The following VOPP1 variants were observed in gnomAD, a reference collection of about 807,000 sequenced individuals.
VOPP1 encodes the protein WW domain binding protein VOPP1.
Under a neutral mutation model 23.5 loss-of-function variants are expected in VOPP1, and 8 were observed. That is an observed-to-expected ratio of 0.34 (90% confidence interval 0.20 to 0.61). VOPP1 has a LOEUF of 0.61. Among genes scored for constraint, VOPP1 ranks in the 20% least tolerant of loss-of-function variants. VOPP1 has a pLI of 0.78. For missense variants in VOPP1, 174 were observed against 238.1 expected (o/e 0.73, Z 1.77); for synonymous variants, 83 against 97.3 (o/e 0.85, Z 0.86).
chr7:55,542,519 G>A (rs1029857871), intron 1 of VOPP1, among the ~76,000 whole-genome samples: 2 of 152,162 alleles, frequency 1.3e-5, no homozygotes, highest in African/African-American at 2.4e-5. Context: ...GGCTGGCATG[G>A]TGGCTCATGC....
chr7:55,497,653 A>G lies in VOPP1; in HGVS notation c.151T>C (p.Cys51Arg). ...CTCTGTATGGAGAGGGCCCGCACAC[A>G]GCACCTGGAGCCACAGCAGTCCTCG... ...SYEDCCGSRC[C>R]VRALSIQRLW... Residue 51 changes from cysteine to arginine, a missense_variant, in exon 3 of 5, where the codon TGT becomes CGT. Physicochemically the swap from Cys to Arg is radical, Grantham distance 180. Coordinates refer to ENST00000285279, the MANE Select transcript of VOPP1 (RefSeq NM_030796.5). 6.2e-7 allele frequency: 1 copy of G among 1,613,502 alleles called. No individual in the cohort carries two copies. The highest frequency in any genetic ancestry group is 1.1e-5 in the South Asian group (1 of 91,060).
chr7:55,477,491 AGGCCGT>A (rs1792352979), intron 4 of VOPP1, among the ~76,000 whole-genome samples: 1 of 152,180 alleles, frequency 6.6e-6, no homozygotes, highest in African/African-American at 2.4e-5. Context: ...GCCTGTGCCA[AGGCCGT>A]GGCTCCTGTC....
At chr7:55,552,993 T>C in intron 1 of VOPP1, 1 of 346,118 alleles carries the variant, frequency 2.9e-6, no homozygotes, top group Non-Finnish European at 5.0e-6. Context: ...GCTGCACCAT[T>C]CCAATCAAAG....
chr7:55,476,327 G>C (rs1313072300), intron 4 of VOPP1, among the ~76,000 whole-genome samples: 1 of 152,040 alleles, frequency 6.6e-6, no homozygotes, highest in Non-Finnish European at 1.5e-5. Flanking sequence ...CCTTCTCAGT[G>C]AGCTGGCCCA....
At chr7:55,490,092 G>C (rs1793456859) in intron 4 of VOPP1, among the ~76,000 whole-genome samples, 1 of 152,126 alleles carries the variant, frequency 6.6e-6, no homozygotes, top group Admixed American at 6.5e-5. Flanking sequence ...TGCGTCCTCA[G>C]TCCTCAGCTA....
In VOPP1 at chr7:55,521,865, C is replaced by G. The variant is rs146775385; in HGVS notation, c.55-735G>C. On this transcript the variant is annotated intron_variant, in intron 1 of 4. Coordinates refer to ENST00000285279, the MANE Select transcript of VOPP1 (RefSeq NM_030796.5). ...CAGCATCCCCACTGCTCAGGGAGCT[C>G]TCTATGCAGAGATGCTCTTCCCATC... The G allele has an allele frequency of 4.8e-5, 47 of 983,726 alleles. 1 individual carries two copies. In the East Asian group the frequency reaches 4.4e-3, roughly 93 times the overall value. 60.9% of individuals were successfully genotyped at this position (983,726 alleles called of 1,614,324 possible). A position where few individuals can be genotyped will look rare whatever the true frequency, so the allele number is the denominator to read the frequency against.
Position 55,470,745 on chromosome 7 carries a change from G to A in VOPP1, c.*2110C>T, listed in dbSNP as rs1288675727. The A allele has an allele frequency of 6.6e-6, 1 of 152,332 alleles. No homozygotes were observed. Among genetic ancestry groups the A allele is most frequent in the Non-Finnish European group, 1.5e-5 (1 of 68,042 alleles). 9.4% of individuals were successfully genotyped at this position (152,332 alleles called of 1,614,324 possible). A position where few individuals can be genotyped will look rare whatever the true frequency, so the allele number is the denominator to read the frequency against. On this transcript the variant is annotated 3_prime_UTR_variant, in exon 5 of 5. Coordinates refer to ENST00000285279, the MANE Select transcript of VOPP1 (RefSeq NM_030796.5). Reference sequence around the variant, plus strand: ...TGCTTCAAGTTTACTCTGAACCACGGACGCTCCGGGAATTCTACACACCAG... The same window carrying A: ...TGCTTCAAGTTTACTCTGAACCACGAACGCTCCGGGAATTCTACACACCAG...
intron 1 of VOPP1, among the ~76,000 whole-genome samples, chr7:55,564,101 AGGCT>A (rs1349587197): frequency 6.6e-6 from 1 of 152,214 alleles, no homozygotes; most frequent in East Asian, 1.9e-4. Context: ...AGCTGCCCTT[AGGCT>A]ATAGGAACCT....
At chr7:55,494,681 T>A (rs979309560) in intron 3 of VOPP1, among the ~76,000 whole-genome samples, 7 of 152,220 alleles carry the variant, frequency 4.6e-5, no homozygotes, top group African/African-American at 1.7e-4. Flanking sequence ...AGTCTCACTA[T>A]GTTGCCGAGT....
intron 1 of VOPP1, among the ~76,000 whole-genome samples, chr7:55,535,695 C>T (rs1016248891): frequency 2.6e-5 from 4 of 152,228 alleles, no homozygotes; most frequent in African/African-American, 4.8e-5. Context: ...CCTTGGGGCT[C>T]TGATTAAATT....
intron 1 of VOPP1, among the ~76,000 whole-genome samples, chr7:55,529,292 G>A (rs1217725296): frequency 6.6e-6 from 1 of 150,952 alleles, no homozygotes; most frequent in Non-Finnish European, 1.5e-5. Flanking sequence ...TTGAACCTGG[G>A]AGGCGGAGGT....
At chr7:55,543,721 T>G (rs1608748) in intron 1 of VOPP1, among the ~76,000 whole-genome samples, 91,263 of 151,404 alleles carry the variant, frequency 0.6, 29,041 homozygotes, top group Admixed American at 0.7. Flanking sequence ...TTGAGAAATG[T>G]CTATTCAAAT....
intron 2 of VOPP1, among the ~76,000 whole-genome samples, chr7:55,501,776 G>A (rs1412603105): frequency 2.0e-5 from 3 of 152,060 alleles, no homozygotes; most frequent in African/African-American, 4.8e-5. Flanking sequence ...GAACAGAGAC[G>A]ACATACACCT....
intron 4 of VOPP1, among the ~76,000 whole-genome samples, chr7:55,463,343 T>G (rs959589594): frequency 6.6e-6 from 1 of 152,236 alleles, no homozygotes; most frequent in Non-Finnish European, 1.5e-5. Context: ...GTTTCCTTGC[T>G]TTTTCATGTT....
chr7:55,564,243 G>GTCTCTGTCTCTGTC (rs1554302403), intron 1 of VOPP1, among the ~76,000 whole-genome samples: 5 of 125,896 alleles, frequency 4.0e-5, no homozygotes, highest in Admixed American at 7.7e-5. Flanking sequence ...CTCTGTCTCT[G>GTCTCTGTCTCTGTC]TCTCTCTCTC....
At chr7:55,528,005 T>C (rs548325653) in intron 1 of VOPP1, among the ~76,000 whole-genome samples, 183 of 152,254 alleles carry the variant, frequency 1.2e-3, no homozygotes, top group African/African-American at 4.1e-3. Context: ...AATTTTTCAA[T>C]ATATATCAAA....
intron 1 of VOPP1, chr7:55,538,608 C>T: frequency 6.5e-7 from 1 of 1,535,854 alleles, no homozygotes; most frequent in Non-Finnish European, 8.7e-7. Context: ...TCCATCTATA[C>T]AAACCTGCAA....
intron 1 of VOPP1, among the ~76,000 whole-genome samples, chr7:55,559,517 T>G (rs943496969): frequency 6.6e-6 from 1 of 152,136 alleles, no homozygotes; most frequent in African/African-American, 2.4e-5. Flanking sequence ...TGCCAGGAAG[T>G]GATAAAAGCA....
chr7:55,564,641 C>A (rs1424384732), intron 1 of VOPP1, among the ~76,000 whole-genome samples: 1 of 152,118 alleles, frequency 6.6e-6, no homozygotes, highest in Non-Finnish European at 1.5e-5. Flanking sequence ...CAAGCAAGCC[C>A]ACTTTTTAAT....
Sources: gnomAD v4.1 joint callset for allele counts (sites outside exome capture counted in the v4.1 genomes callset) on GRCh38, gnomAD v4.1.1 for gene constraint, MANE v1.5 for transcripts, NCBI Gene and HGNC (gene_info 2026-07-23, HGNC 2026-07-21) for gene names.